Variants in SMOC1 observed in about 807,000 individuals in gnomAD.
SMOC1 encodes SPARC-related modular calcium-binding protein 1.
In SMOC1, 22 loss-of-function variants were observed where a neutral mutation model predicts 56.3. The ratio of observed to expected loss-of-function variants is 0.39; its 90% CI spans 0.28 to 0.56. The LOEUF (loss-of-function observed/expected upper bound fraction) is 0.56. SMOC1 is among the 20% of genes least tolerant of loss of function. The pLI is 0.61. For synonymous variants in SMOC1, 193 were observed against 215.0 expected, an observed-to-expected ratio of 0.90 and a Z score of 0.89; for missense variants, 509 against 565.4, an observed-to-expected ratio of 0.90 and a Z score of 1.01.
chr14:69,918,813 A>G (rs1884755375), intron 1 of SMOC1, among the ~76,000 whole-genome samples: 1 of 152,208 alleles, frequency 6.6e-6, no homozygotes, highest in Non-Finnish European at 1.5e-5. Flanking sequence ...GCCACAGAAT[A>G]TTGAGCCAAG....
rs148346570 is a variant in SMOC1 at position 70,019,185 on chromosome 14, G to A, written c.1047-4018G>A. Reference sequence around the variant, plus strand: ...GAGAAGGCTCCTTGGGGCCAGTTTGGGGAGGAACTTGGCTCTAGTGGGTTT... The same window carrying A: ...GAGAAGGCTCCTTGGGGCCAGTTTGAGGAGGAACTTGGCTCTAGTGGGTTT... On this transcript the variant is annotated intron_variant, in intron 10 of 11. Coordinates refer to ENST00000361956, the MANE Select transcript of SMOC1 (RefSeq NM_001034852.3). 4.4e-4 allele frequency among the ~76,000 whole-genome samples: 67 copies of A among 152,336 alleles called. No individual in the cohort carries two copies. The East Asian group carries it at 0.012, about 27-fold the overall frequency.
intron 1 of SMOC1, among the ~76,000 whole-genome samples, chr14:69,920,620 G>T (rs866853554): frequency 2.6e-5 from 4 of 152,170 alleles, no homozygotes; most frequent in Non-Finnish European, 5.9e-5. Flanking sequence ...AGGATACAAC[G>T]ACAACTGCAA....
At chr14:69,942,335 A>G (rs1348709113) in intron 1 of SMOC1, among the ~76,000 whole-genome samples, 1 of 152,134 alleles carries the variant, frequency 6.6e-6, no homozygotes, top group Non-Finnish European at 1.5e-5. Context: ...CTGAGTGCCT[A>G]TGGGGGTGTC....
Position 69,885,451 on chromosome 14 carries a change from G to A in SMOC1, c.99+5674G>A, listed in dbSNP as rs1215317585. ...CACCCCAGTGACGGCGGATCTCATC[G>A]TATCTGTCATTGTAATTGGTCCTGA... On this transcript the variant is annotated intron_variant, in intron 1 of 11. Transcript: ENST00000361956. 13 of 1,601,190 alleles carry A rather than the reference G, an allele frequency of 8.1e-6. No homozygotes were observed. In the Middle Eastern group the frequency reaches 6.1e-4, roughly 75 times the overall value.
intron 1 of SMOC1, among the ~76,000 whole-genome samples, chr14:69,897,560 A>G (rs79394714): frequency 2.7e-5 from 4 of 148,362 alleles, no homozygotes; most frequent in African/African-American, 1.0e-4. Flanking sequence ...TAGTGTAGCA[A>G]TTATACTTAA....
chr14:70,029,373 G>T (rs1314823836), intron 11 of SMOC1, among the ~76,000 whole-genome samples: 1 of 152,186 alleles, frequency 6.6e-6, no homozygotes, highest in Non-Finnish European at 1.5e-5. Flanking sequence ...GGACAGTTCT[G>T]TCCAGGTACA....
chr14:70,023,501 A>G, intron 11 of SMOC1, 54 bp downstream of exon 11: 1 of 1,612,474 alleles, frequency 6.2e-7, no homozygotes, highest in African/African-American at 1.3e-5. Context: ...CCACCCAGGC[A>G]TGGGACCAAG....
chr14:69,906,044 T>C (rs1471003412), intron 1 of SMOC1, among the ~76,000 whole-genome samples: 1 of 152,216 alleles, frequency 6.6e-6, no homozygotes, highest in Admixed American at 6.5e-5. Flanking sequence ...CTCCAGATGA[T>C]GCTACCATTA....
intron 1 of SMOC1, among the ~76,000 whole-genome samples, chr14:69,948,385 G>C (rs1183577835): frequency 6.6e-6 from 1 of 152,180 alleles, no homozygotes; most frequent in East Asian, 1.9e-4. Flanking sequence ...AATATTTTGG[G>C]TGCTCTTCTG....
At chr14:69,885,640 A>T (rs1232027997) in intron 1 of SMOC1, 1 of 1,456,882 alleles carries the variant, frequency 6.9e-7, no homozygotes, top group Non-Finnish European at 9.6e-7. Flanking sequence ...GCAAGAAGAC[A>T]ACCAGCTCGA....
At chr14:69,922,876 A>G (rs1416030268) in intron 1 of SMOC1, among the ~76,000 whole-genome samples, 1 of 151,732 alleles carries the variant, frequency 6.6e-6, no homozygotes, top group Non-Finnish European at 1.5e-5. Flanking sequence ...ATCAACTCTT[A>G]TCACCTGTTG....
intron 2 of SMOC1, 97 bp from the exon 3 acceptor site, chr14:69,953,323 C>A: frequency 9.0e-7 from 1 of 1,108,532 alleles, no homozygotes; most frequent in Non-Finnish European, 1.4e-6. Context: ...TGTGTGTGGG[C>A]TCCCGCACAG....
chr14:69,984,177 A>G (rs1048794274), intron 5 of SMOC1, among the ~76,000 whole-genome samples: 31 of 152,226 alleles, frequency 2.0e-4, no homozygotes, highest in Admixed American at 7.2e-4. Flanking sequence ...TCCACAAACA[A>G]ATGGTGCTCT....
chr14:70,030,199 G>A (rs766986719), intron 11 of SMOC1, 43 bp from the exon 12 acceptor site: 29 of 1,576,584 alleles, frequency 1.8e-5, no homozygotes, highest in Middle Eastern at 1.7e-4. Context: ...ATCTGCCCCC[G>A]ACCTTTTTTT....
intron 1 of SMOC1, among the ~76,000 whole-genome samples, chr14:69,949,573 TTG>T (rs1193071125): frequency 6.6e-6 from 1 of 152,158 alleles, no homozygotes; most frequent in Non-Finnish European, 1.5e-5. Context: ...TTACAGGAGA[TTG>T]TCCTCACCTG....
At position 69,910,950 on chromosome 14, in the gene SMOC1, G is replaced by T. The variant is rs78098501; in HGVS notation, c.99+31173G>T. Among the ~76,000 whole-genome samples, 334 of 152,250 alleles carry T rather than the reference G, an allele frequency of 2.2e-3. 5 individuals carry two copies. The highest frequency in any genetic ancestry group is 9.3e-3 in the East Asian group (48 of 5,170). On this transcript the variant is annotated intron_variant, in intron 1 of 11. Transcript: ENST00000361956. ...TTTCCAAGGACGGAGACTGTTATAA[G>T]CTATAGATTTAAGACTGACACATTG...
At chr14:69,914,567 C>G (rs1367217502) in intron 1 of SMOC1, among the ~76,000 whole-genome samples, 1 of 145,442 alleles carries the variant, frequency 6.9e-6, no homozygotes, top group Admixed American at 7.0e-5. Flanking sequence ...TGGGAGACAC[C>G]AGTAGGAAGG....
intron 3 of SMOC1, among the ~76,000 whole-genome samples, chr14:69,971,809 A>G (rs537951532): frequency 1.3e-5 from 2 of 152,212 alleles, no homozygotes; most frequent in African/African-American, 2.4e-5. Flanking sequence ...AACTATTTCT[A>G]TGTGAAAACA....
At chr14:69,944,882 A>T in intron 1 of SMOC1, among the ~76,000 whole-genome samples, 2 of 152,172 alleles carry the variant, frequency 1.3e-5, no homozygotes, top group Middle Eastern at 3.4e-3. Flanking sequence ...CCTCTTAGAG[A>T]TTTTTTTCAT....
Sources: allele counts gnomAD v4.1 joint callset (sites outside exome capture counted in the v4.1 genomes callset), GRCh38; gene constraint gnomAD v4.1.1; transcripts MANE v1.5; gene names NCBI Gene and HGNC (gene_info 2026-07-23, HGNC 2026-07-21).